Variants in AKAP11 observed in about 807,000 individuals in gnomAD.
AKAP11 encodes A-kinase anchor protein 11.
Under a neutral mutation model 146.1 loss-of-function variants are expected in AKAP11, and 36 were observed. That is an observed-to-expected ratio of 0.25 (90% CI 0.19 to 0.33). The LOEUF (loss-of-function observed/expected upper bound fraction) is 0.33, where lower values mean the gene tolerates loss of function less well. AKAP11 is among the 10% of genes least tolerant of loss of function. The probability of loss-of-function intolerance (pLI) is 1.00; values close to 1 mark genes in which losing one functional copy is unlikely to be tolerated. For synonymous variants in AKAP11, 780 were observed against 786.5 expected (o/e 0.99, Z 0.14); for missense variants, 2,201 against 2,197.0 (o/e 1.00, Z -0.04).
In AKAP11 at chr13:42,303,201, A is replaced by C; in HGVS notation, c.4455A>C (p.Thr1485=). The C allele has an allele frequency of 6.2e-7, 1 of 1,614,188 alleles. No homozygotes were observed. The highest frequency in any genetic ancestry group is 8.5e-7 in the Non-Finnish European group (1 of 1,180,032). Residue 1485 remains threonine, a synonymous_variant, in exon 8 of 13, where the codon ACA becomes ACC. Transcript: ENST00000025301. Reference sequence around the variant, plus strand: ...TAGTTGGCCTACCAAAATCCTTAACAGATTCTTGCTTGTTTGAAAAATCTG... The same window carrying C: ...TAGTTGGCCTACCAAAATCCTTAACCGATTCTTGCTTGTTTGAAAAATCTG... ...ASLVGLPKSL[T]DSCLFEKSGY...
chr13:42,314,614 TA>T (rs2138701919), intron 11 of AKAP11, among the ~76,000 whole-genome samples: 1 of 152,318 alleles, frequency 6.6e-6, no homozygotes, highest in South Asian at 2.1e-4. Context: ...ATTTTCATAA[TA>T]TTTTCCTTCC....
Position 42,319,200 on chromosome 13 carries a change from T to C in AKAP11, c.5678T>C (p.Leu1893Pro). 1.2e-6 allele frequency: 2 copies of C among 1,614,044 alleles called. No homozygotes were observed. The highest frequency in any genetic ancestry group is 1.3e-5 in the African/African-American group (1 of 75,056). Residue 1893 changes from leucine (L) to proline (P), a missense_variant, in exon 13 of 13, where the codon CTG (leucine) becomes CCG (proline). Leu to Pro is a moderately conservative substitution (Grantham distance 98). Around this residue, in one of 3 missense-constraint regions of AKAP11, gnomAD observed 1,867 missense variants for 1,833.5 expected, o/e 1.02. Transcript: ENST00000025301. ...KASSEERCKS[L>P]FDWLLENA is the part of the protein sequence containing the mutation. ...TCCAGTGAGGAGAGATGCAAGTCGC[T>C]GTTTGATTGGCTCTTGGAAAATGCA...
chr13:42,302,655 G>C lies in AKAP11; in HGVS notation c.3909G>C (p.Lys1303Asn). The change falls in exon 8 of 13, where the codon AAG becomes AAC. Residue 1303 changes from lysine to asparagine, a missense_variant. Lys to Asn is a moderately conservative substitution (Grantham distance 94, BLOSUM62 0). This residue lies in a region of AKAP11 where 1,867 missense variants were observed against 1,833.5 expected (regional missense o/e 1.02). Transcript: ENST00000025301. ...DGDEDYKVEE[K>N]LDIEAVVHPR... The stretch of plus-strand genomic sequence containing the variant: ...ACGAAGATTATAAAGTAGAAGAGAA[G>C]TTGGATATAGAGGCTGTAGTGCACC... 3 of 1,614,172 alleles carry C rather than the reference G, an allele frequency of 1.9e-6. No individual in the cohort carries two copies. In the East Asian group the frequency reaches 6.7e-5, roughly 36 times the overall value.
Position 42,301,455 on chromosome 13 carries a change from T to C in AKAP11, c.2709T>C (p.Arg903=). The change falls in exon 8 of 13, where the codon CGT becomes CGC. Residue 903 remains arginine (R), a synonymous_variant. Coordinates refer to ENST00000025301, the MANE Select transcript of AKAP11 (RefSeq NM_016248.4). ...AAGTTACAAAAATGGTTGATGAACG[T>C]ACAGATTATTTAACTAAATCTTTAA... ...SLEVTKMVDE[R]TDYLTKSLKE... is the part of the protein sequence containing the mutation. The C allele has an allele frequency of 6.2e-7, 1 of 1,613,498 alleles. No homozygotes were observed. The highest frequency in any genetic ancestry group is 8.5e-7 in the Non-Finnish European group (1 of 1,179,812).
At chr13:42,311,376 C>G (rs780928323) in intron 9 of AKAP11, among the ~76,000 whole-genome samples, 2 of 152,154 alleles carry the variant, frequency 1.3e-5, no homozygotes, top group Non-Finnish European at 2.9e-5. Flanking sequence ...GATCATACTT[C>G]CCACTTAGGA....
chr13:42,276,608 C>G (rs762000697), intron 1 of AKAP11, among the ~76,000 whole-genome samples: 1 of 152,182 alleles, frequency 6.6e-6, no homozygotes, highest in South Asian at 2.1e-4. Flanking sequence ...ATTTGCAAAG[C>G]CTTCTGATTT....
intron 11 of AKAP11, among the ~76,000 whole-genome samples, chr13:42,314,495 A>T (rs1485805977): frequency 6.6e-6 from 1 of 151,106 alleles, no homozygotes; most frequent in Admixed American, 6.6e-5. Flanking sequence ...GAATTATTTG[A>T]CTATTTGAGA....
intron 1 of AKAP11, among the ~76,000 whole-genome samples, chr13:42,276,372 G>A (rs990168189): frequency 2.6e-5 from 4 of 152,034 alleles, no homozygotes; most frequent in African/African-American, 7.3e-5. Context: ...TCAGCTTCCC[G>A]AGTAGCTGGA....
In AKAP11 at chr13:42,300,847, G is replaced by C. The variant is rs1594334537; in HGVS notation, c.2101G>C (p.Ala701Pro). ...KDLSESVIQE[A>P]FIELSQVDVT... ...TTTGTCTGAATCTGTAATACAGGAA[G>C]CATTCATTGAGCTATCACAAGTTGA... The change falls in exon 8 of 13, where the codon GCA (alanine) becomes CCA (proline). Residue 701 changes from alanine to proline, a missense_variant. Coordinates refer to ENST00000025301, the MANE Select transcript of AKAP11 (RefSeq NM_016248.4). 6.2e-7 allele frequency: 1 copy of C among 1,614,126 alleles called. No homozygotes were observed. The highest frequency in any genetic ancestry group is 8.5e-7 in the Non-Finnish European group (1 of 1,179,998).
At chr13:42,289,472 A>G (rs956700061) in intron 3 of AKAP11, among the ~76,000 whole-genome samples, 4 of 152,158 alleles carry the variant, frequency 2.6e-5, no homozygotes, top group African/African-American at 7.2e-5. Context: ...ACAGTCATTA[A>G]TTCATCTATG....
Position 42,321,730 on chromosome 13 carries a change from C to G in AKAP11, c.*2502C>G, listed in dbSNP as rs1961095022. The G allele has an allele frequency of 6.6e-6, 1 of 152,274 alleles. No homozygotes were observed. The highest frequency in any genetic ancestry group is 2.1e-4 in the South Asian group (1 of 4,832). 9.4% of individuals were successfully genotyped at this position (152,274 alleles called of 1,614,324 possible). ...AGTCAAACAGCTCTTTTGAAGACAA[C>G]TGTCTTATTTTATTACAAATTGGCT... is the stretch of plus-strand genomic sequence containing the variant. On this transcript the variant is annotated 3_prime_UTR_variant, in exon 13 of 13. Coordinates refer to ENST00000025301, the MANE Select transcript of AKAP11 (RefSeq NM_016248.4).
At chr13:42,311,657 G>A (rs1167404080) in intron 9 of AKAP11, among the ~76,000 whole-genome samples, 1 of 152,116 alleles carries the variant, frequency 6.6e-6, no homozygotes, top group Non-Finnish European at 1.5e-5. Context: ...AAGAATCTGT[G>A]TGATGGGTAG....
At chr13:42,313,862 T>G (rs1439435250) in intron 10 of AKAP11, 32 bp from the exon 11 acceptor site, 1 of 1,598,536 alleles carries the variant, frequency 6.3e-7, no homozygotes, top group Non-Finnish European at 8.5e-7. Context: ...TTAAATTTTT[T>G]TTGTAACTGC....
At chr13:42,279,250 C>T (rs936438948) in intron 1 of AKAP11, among the ~76,000 whole-genome samples, 4 of 140,644 alleles carry the variant, frequency 2.8e-5, no homozygotes, top group African/African-American at 8.0e-5. Context: ...CCCCAGTGCA[C>T]GCACGTGCAC....
rs762372424 is a variant in AKAP11, at chr13:42,301,346, A to G, written c.2600A>G (p.Asn867Ser). The change falls in exon 8 of 13, where the codon AAT (asparagine) becomes AGT (serine). Residue 867 changes from asparagine to serine, a missense_variant. Physicochemically the swap from Asn to Ser is conservative, Grantham distance 46 (BLOSUM62 1). Around this residue, in one of 3 missense-constraint regions of AKAP11, gnomAD observed 1,867 missense variants for 1,833.5 expected, o/e 1.02. Coordinates refer to ENST00000025301, the MANE Select transcript of AKAP11 (RefSeq NM_016248.4). ...ATGCAGAGTTCCTCAAAATTACCAA[A>G]TGATCCTGCAATTATTAGCAACTTT... is the stretch of plus-strand genomic sequence containing the variant. Reference protein sequence around the residue: ...IEMQSSSKLPNDPAIISNFSA... With the variant: ...IEMQSSSKLPSDPAIISNFSA... 5 of 1,614,006 alleles carry G rather than the reference A, an allele frequency of 3.1e-6. No homozygotes were observed. Among genetic ancestry groups the G allele is most frequent in the Non-Finnish European group, 3.4e-6 (4 of 1,179,972 alleles).
chr13:42,287,174 G>T (rs548530169), intron 3 of AKAP11, among the ~76,000 whole-genome samples: 103 of 152,264 alleles, frequency 6.8e-4, no homozygotes, highest in Non-Finnish European at 1.2e-3. Flanking sequence ...ATTCATTTAT[G>T]TAGAGAGCTA....
chr13:42,277,855 G>C (rs1044385447), intron 1 of AKAP11, among the ~76,000 whole-genome samples: 4 of 152,204 alleles, frequency 2.6e-5, no homozygotes, highest in Admixed American at 2.6e-4. Flanking sequence ...GACGCTTGGT[G>C]AATGTATGTG....
intron 1 of AKAP11, among the ~76,000 whole-genome samples, chr13:42,285,321 GGC>G (rs1309097912): frequency 1.3e-5 from 2 of 152,096 alleles, no homozygotes; most frequent in African/African-American, 2.4e-5. Flanking sequence ...TGAGACTGCA[GGC>G]ATGCACCACT....
intron 3 of AKAP11, among the ~76,000 whole-genome samples, chr13:42,291,646 T>C (rs1429505100): frequency 6.6e-6 from 1 of 152,054 alleles, no homozygotes; most frequent in African/African-American, 2.4e-5. Flanking sequence ...AATGGAAAAA[T>C]CTTCACAGGT....
Sources: gnomAD v4.1 joint callset for allele counts (sites outside exome capture counted in the v4.1 genomes callset) on GRCh38, gnomAD v4.1.1 for gene constraint, gnomAD v4.1.1 regional missense constraint, MANE v1.5 for transcripts, NCBI Gene and HGNC (gene_info 2026-07-23, HGNC 2026-07-21) for gene names.